The following DOT1L variants were observed in gnomAD, a reference collection of about 807,000 sequenced individuals.
The protein encoded by DOT1L is histone-lysine N-methyltransferase, H3 lysine-79 specific.
In DOT1L, 33 loss-of-function variants were observed where a neutral mutation model predicts 153.3. The observed-to-expected ratio is 0.22, with a 90% confidence interval of 0.16 to 0.29. The LOEUF (loss-of-function observed/expected upper bound fraction) is 0.29, where lower values mean the gene tolerates loss of function less well. Ranked by LOEUF, DOT1L falls within the 10% of genes least tolerant of loss-of-function variation. The pLI is 1.00. For missense variants in DOT1L, 1,847 were observed against 2,119.9 expected (o/e 0.87, Z 2.53); for synonymous variants, 1,135 against 965.1 (o/e 1.18, Z -3.26).
Position 2,211,795 on chromosome 19 carries a change from A to AC in DOT1L, c.1516dup (p.Gln506ProfsTer48), listed in dbSNP as rs1167741666. 1 of 1,571,778 alleles carries AC rather than the reference A, an allele frequency of 6.4e-7. No homozygotes were observed. Among genetic ancestry groups the AC allele is most frequent in the Non-Finnish European group, 8.6e-7 (1 of 1,158,648 alleles). On this transcript the variant is annotated frameshift_variant, in exon 16 of 28. Coordinates refer to ENST00000398665, the MANE Select transcript of DOT1L (RefSeq NM_032482.3). LOFTEE classifies it high-confidence loss of function. ...CCTGCAGTTCCTGGCATACACAAAGACCCCCCAGTACAAGGCCAGCCTGCA... is the reference window on the plus strand; with the variant it reads ...CCTGCAGTTCCTGGCATACACAAAGACCCCCCCAGTACAAGGCCAGCCTGCA...
chr19:2,221,631 GTC>G (rs1339630100), intron 23 of DOT1L: 5 of 341,868 alleles, frequency 1.5e-5, no homozygotes, highest in Non-Finnish European at 2.7e-5. Flanking sequence ...TCCTCATGGT[GTC>G]TCTGAGATCA....
intron 23 of DOT1L, 89 bp from the exon 24 acceptor site, chr19:2,221,887 A>C: frequency 7.6e-7 from 1 of 1,311,392 alleles, no homozygotes; most frequent in Non-Finnish European, 1.0e-6. Context: ...CCTGGAGCCC[A>C]CAGAGCTCCT....
chr19:2,193,564 A>G lies in DOT1L; in HGVS notation c.494-125A>G. On this transcript the variant is annotated intron_variant, in intron 5 of 27. Transcript: ENST00000398665. This position sits in a 1 kb window ranked among gnomAD's most constrained non-coding sequence, Gnocchi z 5.9. ...ACCTTGGAGCATCGGATATGTGTGG[A>G]GACTGTGGCCTCCCCTGTGGGTCTT... is the stretch of plus-strand genomic sequence containing the variant. 1 of 798,640 alleles carries G rather than the reference A, an allele frequency of 1.3e-6. No homozygotes were observed. Among genetic ancestry groups the G allele is most frequent in the Non-Finnish European group, 2.0e-6 (1 of 490,744 alleles). 49.5% of individuals were successfully genotyped at this position (798,640 alleles called of 1,614,324 possible).
rs892790507 is a variant in DOT1L at position 2,222,648 on chromosome 19, C to T, written c.3390+89C>T. 2.3e-6 allele frequency: 3 copies of T among 1,318,382 alleles called. No homozygotes were observed. The African/African-American group carries it at 4.4e-5, about 20-fold the overall frequency. 81.7% of individuals were successfully genotyped at this position (1,318,382 alleles called of 1,614,324 possible). ...GGGCGCGGTGGCTCACGCCTGTAAT[C>T]CCAGCATTTTGGGAGGCCGAGGCGG... On this transcript the variant is annotated intron_variant, in intron 24 of 27. Transcript: ENST00000398665. This position sits in a 1 kb window ranked among gnomAD's most constrained non-coding sequence, Gnocchi z 6.5.
chr19:2,177,208 C>T (rs983433027), intron 1 of DOT1L, among the ~76,000 whole-genome samples: 2 of 151,016 alleles, frequency 1.3e-5, no homozygotes, highest in Admixed American at 6.6e-5. Flanking sequence ...ATGTGGCTGG[C>T]GGGAAGGAGC....
At chr19:2,215,309 C>T (rs1338721296) in intron 19 of DOT1L, 1 of 152,312 alleles carries the variant, frequency 6.6e-6, no homozygotes, top group African/African-American at 2.4e-5. Flanking sequence ...GAAACGCATT[C>T]GTGGAGGCCG....
Position 2,204,568 on chromosome 19 carries a change from T to G in DOT1L, c.787+1789T>G, listed in dbSNP as rs1330721968. Among the ~76,000 whole-genome samples the G allele has an allele frequency of 6.6e-6, 1 of 152,198 alleles. No homozygotes were observed. Among genetic ancestry groups the G allele is most frequent in the South Asian group, 2.1e-4 (1 of 4,836 alleles). On this transcript the variant is annotated intron_variant, in intron 9 of 27. Coordinates refer to ENST00000398665, the MANE Select transcript of DOT1L (RefSeq NM_032482.3). The surrounding 1 kb of genome is among the most constrained non-coding windows in gnomAD (Gnocchi z 5.7). Reference sequence around the variant, plus strand: ...GTACCCGCTGCCCTAGAACGCCTCTTCTGGCTGTTTCTCGCCAGCTTTCTC... The same window carrying G: ...GTACCCGCTGCCCTAGAACGCCTCTGCTGGCTGTTTCTCGCCAGCTTTCTC...
At chr19:2,214,012 G>A (rs1357352354) in intron 18 of DOT1L, 26 bp downstream of exon 18, 3 of 1,607,540 alleles carry the variant, frequency 1.9e-6, no homozygotes, top group Non-Finnish European at 1.7e-6. Flanking sequence ...CAAGGACAGG[G>A]ACGTGGAACC....
chr19:2,187,130 G>A (rs1568336978), intron 3 of DOT1L, among the ~76,000 whole-genome samples: 2 of 152,172 alleles, frequency 1.3e-5, no homozygotes, highest in African/African-American at 4.8e-5. Context: ...TCACCCAGGA[G>A]CCCCCCACAA....
chr19:2,227,628 C>A, intron 27 of DOT1L: 1 of 1,184,932 alleles, frequency 8.4e-7, no homozygotes, highest in South Asian at 1.4e-5. Flanking sequence ...TGCCCGCACA[C>A]GCCTGGCGGC....
At chr19:2,165,483 T>C (rs1004336088) in intron 1 of DOT1L, among the ~76,000 whole-genome samples, 17 of 152,268 alleles carry the variant, frequency 1.1e-4, no homozygotes, top group African/African-American at 4.1e-4. Context: ...CTGGCTTCTC[T>C]GGTTGGGCAG....
chr19:2,182,982 C>T (rs914488148), intron 2 of DOT1L, among the ~76,000 whole-genome samples: 4 of 152,128 alleles, frequency 2.6e-5, no homozygotes, highest in Non-Finnish European at 4.4e-5. Flanking sequence ...GCAGAGACCT[C>T]GAAACTCGAA....
intron 3 of DOT1L, among the ~76,000 whole-genome samples, chr19:2,186,844 C>G (rs79868392): frequency 3.9e-5 from 6 of 152,262 alleles, no homozygotes; most frequent in East Asian, 1.9e-4. Flanking sequence ...GCCACCCCCC[C>G]TCATTGGGCG....
At chr19:2,202,578 C>G (rs922754008) in intron 8 of DOT1L, 122 bp from the exon 9 acceptor site, 6 of 956,718 alleles carry the variant, frequency 6.3e-6, no homozygotes, top group Non-Finnish European at 9.8e-6. Context: ...GGGCTTGGCC[C>G]TGGAGGTGGC....
rs765518775 is a variant in DOT1L, at chr19:2,210,716, G to A, written c.1212G>A (p.Arg404=). The change falls in exon 14 of 28, where the codon AGG becomes AGA. Residue 404 remains arginine (R), a synonymous_variant. Coordinates refer to ENST00000398665, the MANE Select transcript of DOT1L (RefSeq NM_032482.3). ...ARKKKLNKKG[R]KMAGRKRGRP... is the part of the protein sequence containing the mutation. ...AGAAGAAGCTAAACAAGAAGGGGAG[G>A]AAGATGGCTGGCCGCAAGCGCGGGC... 3.9e-5 allele frequency: 63 copies of A among 1,613,064 alleles called. No homozygotes were observed. The highest frequency in any genetic ancestry group is 5.1e-5 in the Non-Finnish European group (60 of 1,180,018).
chr19:2,227,327 G>A, intron 27 of DOT1L, 200 bp downstream of exon 27: 2 of 771,920 alleles, frequency 2.6e-6, no homozygotes, highest in Non-Finnish European at 2.3e-6. Context: ...TGTGTCTTGG[G>A]TTCTCTGGTT....
chr19:2,221,853 CCCCTTCCCCA>C (rs2024128199), intron 23 of DOT1L, 113 bp from the exon 24 acceptor site: 1 of 1,050,004 alleles, frequency 9.5e-7, no homozygotes, highest in Non-Finnish European at 1.3e-6. Context: ...AGACTCCCAA[CCCCTTCCCCA>C]CTTCCCCGCC....
intron 19 of DOT1L, chr19:2,216,051 GAA>G: frequency 1.9e-6 from 1 of 526,804 alleles, no homozygotes; most frequent in Non-Finnish European, 3.3e-6. Flanking sequence ...TGCTCTTTTT[GAA>G]GAAGGTGCTT....
At chr19:2,192,659 T>G (rs1599563415) in intron 5 of DOT1L, among the ~76,000 whole-genome samples, 2 of 127,962 alleles carry the variant, frequency 1.6e-5, no homozygotes, top group South Asian at 2.4e-4. Flanking sequence ...GGTGACAGAG[T>G]GAGACTCCGT....
Sources: gnomAD v4.1 joint callset for allele counts (sites outside exome capture counted in the v4.1 genomes callset) on GRCh38, gnomAD v4.1.1 for gene constraint, Gnocchi (gnomAD v3.1) non-coding constraint, MANE v1.5 for transcripts, NCBI Gene and HGNC (gene_info 2026-07-23, HGNC 2026-07-21) for gene names.